The following SORL1 variants were observed in gnomAD, a reference collection of about 807,000 sequenced individuals.
SORL1 encodes the protein sortilin-related receptor.
A neutral mutation model predicts 273.7 loss-of-function variants in SORL1; 127 were observed. That is an observed-to-expected ratio of 0.46 (90% CI 0.40 to 0.54). SORL1 has a LOEUF of 0.54. Ranked by LOEUF, SORL1 falls within the 20% of genes least tolerant of loss-of-function variation. The pLI is 0.00. For synonymous variants in SORL1, 1,031 were observed against 1,067.4 expected, an observed-to-expected ratio of 0.97 and a Z score of 0.66; for missense variants, 2,494 against 2,846.1, an observed-to-expected ratio of 0.88 and a Z score of 2.81.
intron 6 of SORL1, among the ~76,000 whole-genome samples, chr11:121,497,322 C>T (rs1861647559): frequency 6.6e-6 from 1 of 152,126 alleles, no homozygotes; most frequent in Non-Finnish European, 1.5e-5. Flanking sequence ...AGCCAAGCAT[C>T]CTTGACAAAG....
In SORL1 at chr11:121,627,831, G is replaced by C; in HGVS notation, c.6577+64G>C. 1 of 1,204,190 alleles carries C rather than the reference G, an allele frequency of 8.3e-7. No homozygotes were observed. Among genetic ancestry groups the C allele is most frequent in the Non-Finnish European group, 1.2e-6 (1 of 845,742 alleles). 74.6% of individuals were successfully genotyped at this position (1,204,190 alleles called of 1,614,324 possible). ...CTGACCCCCACGCAGCCAATGACTT[G>C]ATTAGGAAACACCCACCTTCAGCTC... On this transcript the variant is annotated intron_variant, in intron 47 of 47. Coordinates refer to ENST00000260197, the MANE Select transcript of SORL1 (RefSeq NM_003105.6). This position sits in a 1 kb window ranked among gnomAD's most constrained non-coding sequence, Gnocchi z 4.9.
At chr11:121,477,797 A>G (rs1223492106) in intron 2 of SORL1, among the ~76,000 whole-genome samples, 5 of 152,150 alleles carry the variant, frequency 3.3e-5, no homozygotes, top group Admixed American at 1.3e-4. Context: ...TGGGAGGCCA[A>G]GGCAGGCGGA....
chr11:121,574,525 T>C (rs1260896505), intron 24 of SORL1, among the ~76,000 whole-genome samples, 162 bp downstream of exon 24: 1 of 152,222 alleles, frequency 6.6e-6, no homozygotes, highest in African/African-American at 2.4e-5. Context: ...GTTGAGTCAT[T>C]TCTCTGTCCA....
At position 121,550,554 on chromosome 11, in the gene SORL1, C is replaced by G; in HGVS notation, c.2181-31C>G. ...CCTTTGTGGCTATTCTTCCATGTTTCTGACCTCTTGCTCTTGGGGTGGGGT... is the reference window on the plus strand; with the variant it reads ...CCTTTGTGGCTATTCTTCCATGTTTGTGACCTCTTGCTCTTGGGGTGGGGT... On this transcript the variant is annotated intron_variant, in intron 15 of 47. Coordinates refer to ENST00000260197, the MANE Select transcript of SORL1 (RefSeq NM_003105.6). The surrounding 1 kb of genome is among the most constrained non-coding windows in gnomAD (Gnocchi z 5.3). 1.2e-6 allele frequency: 2 copies of G among 1,604,150 alleles called. No homozygotes were observed. Among genetic ancestry groups the G allele is most frequent in the Non-Finnish European group, 8.5e-7 (1 of 1,171,110 alleles).
intron 28 of SORL1, among the ~76,000 whole-genome samples, chr11:121,588,367 A>C (rs777647872): frequency 6.6e-6 from 1 of 152,152 alleles, no homozygotes; most frequent in Non-Finnish European, 1.5e-5. Flanking sequence ...TTTGTTGCTT[A>C]AGGAATCCTG....
Position 121,514,400 on chromosome 11 carries a change from A to C in SORL1, c.1211+79A>C, listed in dbSNP as rs566158512. On this transcript the variant is annotated intron_variant, in intron 8 of 47. Coordinates refer to ENST00000260197, the MANE Select transcript of SORL1 (RefSeq NM_003105.6). ...CTTCTCTCTGGTTCTGTGGTTTTCA[A>C]CATTAGCTGCCCATGTGGATACACC... The C allele has an allele frequency of 3.5e-5, 48 of 1,386,906 alleles. No homozygotes were observed. In the African/African-American group the frequency reaches 6.2e-4, roughly 18 times the overall value. The allele number at this position is 1,386,906 out of a possible 1,614,324, so 85.9% of individuals were successfully genotyped here. A position where few individuals can be genotyped will look rare whatever the true frequency, so the allele number is the denominator to read the frequency against.
chr11:121,511,060 A>G (rs1209393336), intron 6 of SORL1, among the ~76,000 whole-genome samples: 1 of 152,216 alleles, frequency 6.6e-6, no homozygotes, highest in East Asian at 1.9e-4. Context: ...AATTGTTAAT[A>G]TATTTCTTGG....
chr11:121,470,169 G>A (rs368229087), intron 2 of SORL1, 46 bp downstream of exon 2: 49 of 1,242,392 alleles, frequency 3.9e-5, no homozygotes, highest in Admixed American at 1.8e-4. Context: ...CCATCAACAT[G>A]CCCTTTTCTG....
At chr11:121,467,941 A>ATTTTTAATG (rs1861109221) in intron 1 of SORL1, among the ~76,000 whole-genome samples, 1 of 152,174 alleles carries the variant, frequency 6.6e-6, no homozygotes, top group Non-Finnish European at 1.5e-5. Flanking sequence ...AATGTTTTTC[A>ATTTTTAATG]AAAAGAGTTT....
chr11:121,570,938 AT>A (rs1482994641), intron 23 of SORL1, among the ~76,000 whole-genome samples: 1 of 152,186 alleles, frequency 6.6e-6, no homozygotes, highest in Non-Finnish European at 1.5e-5. Flanking sequence ...TCTTCACTTA[AT>A]TTTTAATAGC....
At chr11:121,499,527 G>A (rs1048332769) in intron 6 of SORL1, among the ~76,000 whole-genome samples, 1 of 152,246 alleles carries the variant, frequency 6.6e-6, no homozygotes, top group Non-Finnish European at 1.5e-5. Context: ...ACAGGCAGAT[G>A]CTTCAAATGA....
At chr11:121,467,976 G>C (rs1861109922) in intron 1 of SORL1, among the ~76,000 whole-genome samples, 1 of 152,134 alleles carries the variant, frequency 6.6e-6, no homozygotes, top group African/African-American at 2.4e-5. Flanking sequence ...TTAAATGCAG[G>C]TATTTAAAAC....
chr11:121,604,058 C>A, intron 32 of SORL1, 135 bp from the exon 33 acceptor site: 2 of 1,075,092 alleles, frequency 1.9e-6, no homozygotes, highest in Non-Finnish European at 2.7e-6. Context: ...ATAGATTCCA[C>A]CACTGGTCAT....
At chr11:121,478,053 GA>G in intron 2 of SORL1, 64 bp from the exon 3 acceptor site, 1 of 846,530 alleles carries the variant, frequency 1.2e-6, no homozygotes, top group Non-Finnish European at 1.6e-6. Context: ...AAAAAAAAAA[GA>G]AAGATCTTTC....
intron 11 of SORL1, among the ~76,000 whole-genome samples, chr11:121,528,711 T>C (rs2134866879): frequency 6.6e-6 from 1 of 152,308 alleles, no homozygotes; most frequent in South Asian, 2.1e-4. Context: ...TAATTTAATT[T>C]CCTATAGTCA....
intron 47 of SORL1, among the ~76,000 whole-genome samples, chr11:121,628,123 T>TA (rs941552320): frequency 5.9e-5 from 9 of 152,130 alleles, no homozygotes; most frequent in Admixed American, 5.9e-4. Context: ...TAACTCAAGA[T>TA]AAAAAATAAT....
At chr11:121,546,348 TTGA>T (rs1188922416) in intron 14 of SORL1, among the ~76,000 whole-genome samples, 2 of 149,990 alleles carry the variant, frequency 1.3e-5, no homozygotes, top group African/African-American at 2.4e-5. Flanking sequence ...TTGAGGAGAG[TTGA>T]TGATGAGAAC....
At chr11:121,581,037 C>G (rs139157997) in intron 25 of SORL1, among the ~76,000 whole-genome samples, 11 of 151,326 alleles carry the variant, frequency 7.3e-5, no homozygotes, top group Non-Finnish European at 1.3e-4. Flanking sequence ...CTCAGCCTCA[C>G]GAGTAGCTGG....
intron 16 of SORL1, among the ~76,000 whole-genome samples, chr11:121,553,439 A>G (rs757540095): frequency 7.9e-5 from 12 of 152,244 alleles, no homozygotes; most frequent in Non-Finnish European, 1.8e-4. Context: ...TAAGAGGTTC[A>G]TAGAATTGCC....
Sources: gnomAD v4.1 joint callset for allele counts (sites outside exome capture counted in the v4.1 genomes callset) on GRCh38, gnomAD v4.1.1 for gene constraint, Gnocchi (gnomAD v3.1) non-coding constraint, MANE v1.5 for transcripts, NCBI Gene and HGNC (gene_info 2026-07-23, HGNC 2026-07-21) for gene names.